Variants in ORC5 observed in about 807,000 individuals in gnomAD.
ORC5 encodes protein phosphatase 1, regulatory subunit 117.
Under a neutral mutation model 58.8 loss-of-function variants are expected in ORC5, and 39 were observed. That is an observed-to-expected ratio of 0.66 (90% confidence interval 0.51 to 0.87). The LOEUF (loss-of-function observed/expected upper bound fraction) is 0.87, where lower values mean the gene tolerates loss of function less well. Among genes scored for constraint, ORC5 ranks in the 40% least tolerant of loss-of-function variants. ORC5 has a pLI of 0.00. For synonymous variants in ORC5, 218 were observed against 177.6 expected, an observed-to-expected ratio of 1.23 and a Z score of -1.81; for missense variants, 493 against 506.3, an observed-to-expected ratio of 0.97 and a Z score of 0.25.
At chr7:104,188,547 A>G (rs1799601341) in intron 5 of ORC5, among the ~76,000 whole-genome samples, 166 bp from the exon 6 acceptor site, 1 of 152,160 alleles carries the variant, frequency 6.6e-6, no homozygotes, top group Admixed American at 6.5e-5. Flanking sequence ...GATTTGTGAT[A>G]TAATAAAAAA....
chr7:104,208,000 C>T lies in ORC5; in HGVS notation c.-96G>A, dbSNP rs917858352. 20 of 1,190,836 alleles carry T rather than the reference C, an allele frequency of 1.7e-5. No individual in the cohort carries two copies. Among genetic ancestry groups the T allele is most frequent in the Non-Finnish European group, 2.2e-5 (18 of 812,208 alleles). The allele number at this position is 1,190,836 out of a possible 1,614,324, so 73.8% of individuals were successfully genotyped here. On this transcript the variant is annotated 5_prime_UTR_variant, in exon 1 of 14. Transcript: ENST00000297431. ...CGAGTCTGGCGGCCCACGCTCCCGC[C>T]GGAAACCGGACCCGCAGCGTCGTGG... is the stretch of plus-strand genomic sequence containing the variant.
intron 4 of ORC5, 75 bp downstream of exon 4, chr7:104,197,650 A>G (rs1187918784): frequency 3.1e-5 from 28 of 914,776 alleles, no homozygotes; most frequent in Non-Finnish European, 4.6e-5. Context: ...CCTATCAAAT[A>G]GCAAAATGAA....
chr7:104,188,518 G>C (rs1240393573), intron 5 of ORC5, 137 bp from the exon 6 acceptor site: 6 of 575,334 alleles, frequency 1.0e-5, no homozygotes, highest in Non-Finnish European at 1.8e-5. Flanking sequence ...ACTATTACAA[G>C]ATTAGAATAC....
At chr7:104,202,589 G>GT (rs757132961) in intron 2 of ORC5, 2 of 445,830 alleles carry the variant, frequency 4.5e-6, no homozygotes, top group South Asian at 3.2e-5. Flanking sequence ...CACTGATTAA[G>GT]TAACAGCAGA....
At chr7:104,203,397 A>C (rs1256910313) in intron 2 of ORC5, among the ~76,000 whole-genome samples, 1 of 152,180 alleles carries the variant, frequency 6.6e-6, no homozygotes, top group Non-Finnish European at 1.5e-5. Flanking sequence ...ACAAGCACAA[A>C]ATGTTAGTTA....
At position 104,132,531 on chromosome 7, in the gene ORC5, G is replaced by C. The variant is rs1339927419; in HGVS notation, c.1262+4250C>G. On this transcript the variant is annotated intron_variant, in intron 13 of 13. Transcript: ENST00000297431. ...CCCATCAAGCCTTGATTTGGAATGA[G>C]ACTGTCTCTGAGCTCCCTTCTTGCT... 2.6e-5 allele frequency among the ~76,000 whole-genome samples: 4 copies of C among 152,094 alleles called. No homozygotes were observed. In the East Asian group the frequency reaches 7.7e-4, roughly 29 times the overall value.
At chr7:104,167,345 T>C (rs919255774) in intron 9 of ORC5, among the ~76,000 whole-genome samples, 2 of 152,212 alleles carry the variant, frequency 1.3e-5, no homozygotes, top group African/African-American at 2.4e-5. Context: ...AATACTTGTA[T>C]ATGCCAGTTG....
chr7:104,185,494 T>G (rs1358277804), intron 6 of ORC5, among the ~76,000 whole-genome samples: 2 of 152,300 alleles, frequency 1.3e-5, no homozygotes, highest in East Asian at 3.9e-4. Context: ...AACATTCTCA[T>G]AAACTAAACA....
At chr7:104,152,557 G>A (rs1396418459) in intron 12 of ORC5, among the ~76,000 whole-genome samples, 1 of 152,028 alleles carries the variant, frequency 6.6e-6, no homozygotes, top group Non-Finnish European at 1.5e-5. Context: ...TAGTCATTAA[G>A]TTCTATCTAA....
intron 12 of ORC5, among the ~76,000 whole-genome samples, chr7:104,144,725 C>A (rs1194738945): frequency 6.6e-6 from 1 of 152,170 alleles, no homozygotes; most frequent in Non-Finnish European, 1.5e-5. Context: ...CCACTGTACT[C>A]CACCCTGGGC....
At chr7:104,204,964 T>C (rs2116117686) in intron 1 of ORC5, among the ~76,000 whole-genome samples, 1 of 152,130 alleles carries the variant, frequency 6.6e-6, no homozygotes, top group Non-Finnish European at 1.5e-5. Context: ...ACCTACTAAA[T>C]GCTGAAAACC....
chr7:104,155,779 C>G (rs1002200467), intron 12 of ORC5, among the ~76,000 whole-genome samples: 4 of 151,218 alleles, frequency 2.6e-5, no homozygotes, highest in Non-Finnish European at 5.9e-5. Context: ...TTGCTCTGAC[C>G]TAACTACAAG....
intron 6 of ORC5, among the ~76,000 whole-genome samples, chr7:104,185,447 C>A (rs1375984377): frequency 1.3e-5 from 2 of 152,116 alleles, no homozygotes; most frequent in Non-Finnish European, 2.9e-5. Flanking sequence ...TGAAAAACCT[C>A]AAGCACAAAT....
At chr7:104,173,838 A>ATTTTTTTTTTTTTTTTTTTTTTTTTTTT (rs746698932) in intron 8 of ORC5, among the ~76,000 whole-genome samples, 2 of 122,756 alleles carry the variant, frequency 1.6e-5, no homozygotes. Flanking sequence ...TGGGTTTAAA[A>ATTTTTTTTTTTTTTTTTTTTTTTTTTTT]TTTTTTCTTT....
intron 8 of ORC5, among the ~76,000 whole-genome samples, chr7:104,172,828 G>C (rs1001765355): frequency 6.6e-5 from 10 of 152,210 alleles, no homozygotes; most frequent in Admixed American, 2.6e-4. Context: ...TGTCTCTCCT[G>C]AGCTGTTTCA....
At chr7:104,183,448 G>A (rs983925293) in intron 8 of ORC5, among the ~76,000 whole-genome samples, 1 of 152,024 alleles carries the variant, frequency 6.6e-6, no homozygotes, top group Non-Finnish European at 1.5e-5. Flanking sequence ...TTGATTAAAA[G>A]AAAAAAGTTG....
chr7:104,155,763 C>T (rs1269989937), intron 12 of ORC5, among the ~76,000 whole-genome samples: 1 of 151,412 alleles, frequency 6.6e-6, no homozygotes, highest in Non-Finnish European at 1.5e-5. Context: ...AAGAACTGTA[C>T]TCCTATTGCT....
intron 13 of ORC5, among the ~76,000 whole-genome samples, chr7:104,132,975 A>T (rs947620807): frequency 2.0e-5 from 3 of 152,150 alleles, no homozygotes; most frequent in South Asian, 2.1e-4. Context: ...ATATACAAGC[A>T]TGGGAAGCAG....
intron 4 of ORC5, among the ~76,000 whole-genome samples, chr7:104,196,797 G>A (rs577215452): frequency 3.3e-5 from 5 of 152,004 alleles, no homozygotes; most frequent in Non-Finnish European, 5.9e-5. Context: ...TTATAAATAC[G>A]AACTATAAAA....
Sources: allele counts gnomAD v4.1 joint callset (sites outside exome capture counted in the v4.1 genomes callset), GRCh38; gene constraint gnomAD v4.1.1; transcripts MANE v1.5; gene names NCBI Gene and HGNC (gene_info 2026-07-23, HGNC 2026-07-21).